The following CASD1 variants were observed in gnomAD, a reference collection of about 807,000 sequenced individuals.
CASD1 encodes CAS1 domain sialic acid O acetyltransferase 1.
In CASD1, 41 loss-of-function variants were observed where a neutral mutation model predicts 100.0. The observed-to-expected ratio is 0.41, with a 90% CI of 0.32 to 0.53. The LOEUF is 0.53. Among genes scored for constraint, CASD1 ranks in the 20% least tolerant of loss-of-function variants. The probability of loss-of-function intolerance (pLI) is 0.25; values close to 1 mark genes in which losing one functional copy is unlikely to be tolerated. For synonymous variants in CASD1, 321 were observed against 315.6 expected (o/e 1.02, Z -0.18); for missense variants, 774 against 948.7 (o/e 0.82, Z 2.42).
chr7:94,607,138 G>A, the CASD1 span, among the ~76,000 whole-genome samples: 1 of 151,978 alleles, frequency 6.6e-6, no homozygotes, highest in Non-Finnish European at 1.5e-5. Flanking sequence ...TATGTAGTAA[G>A]GAAATTGAAT....
the CASD1 span, chr7:94,621,742 A>G: frequency 6.6e-6 from 1 of 152,198 alleles, no homozygotes; most frequent in African/African-American, 2.4e-5. Flanking sequence ...TATTCTGCTC[A>G]TTAAGTGTAT....
At chr7:94,522,083 CA>C (rs1394837794) in intron 3 of CASD1, among the ~76,000 whole-genome samples, 1 of 151,740 alleles carries the variant, frequency 6.6e-6, no homozygotes, top group East Asian at 1.9e-4. Flanking sequence ...GACTCCATTT[CA>C]AAAAAGAAAA....
the CASD1 span, among the ~76,000 whole-genome samples, chr7:94,566,849 T>C: frequency 0.17 from 26,565 of 152,092 alleles, 2,377 homozygotes; most frequent in East Asian, 0.3. Context: ...GCAAATTCAG[T>C]TTCTTCCTGA....
the CASD1 span, among the ~76,000 whole-genome samples, chr7:94,616,089 G>T: frequency 2.6e-5 from 4 of 152,174 alleles, no homozygotes; most frequent in African/African-American, 9.6e-5. Flanking sequence ...AAAGCTGTCA[G>T]TGAGTTCTGC....
At chr7:94,591,877 T>C in the CASD1 span, among the ~76,000 whole-genome samples, 4 of 152,302 alleles carry the variant, frequency 2.6e-5, no homozygotes, top group Admixed American at 6.5e-5. Flanking sequence ...GTGTGTCTTA[T>C]ATTGATTTAG....
Position 94,537,501 on chromosome 7 carries a change from C to T in CASD1, c.873C>T (p.Cys291=), listed in dbSNP as rs1214519408. 3 of 1,610,624 alleles carry T rather than the reference C, an allele frequency of 1.9e-6. No individual in the cohort carries two copies. The highest frequency in any genetic ancestry group is 2.7e-5 in the African/African-American group (2 of 74,522). ...CAATGATTCTTATGAATGTGTATTG[C>T]AATAAGATTTTGAAGCCTGTAGATG... is the stretch of plus-strand genomic sequence containing the variant. ...TTAMILMNVY[C]NKILKPVDGS... is the part of the protein sequence containing the mutation. The change falls in exon 9 of 18, where the codon TGC becomes TGT. Residue 291 remains cysteine (C), a synonymous_variant. Coordinates refer to ENST00000297273, the MANE Select transcript of CASD1 (RefSeq NM_022900.5).
chr7:94,553,810 AT>A (rs1475919905), intron 16 of CASD1: 1 of 151,530 alleles, frequency 6.6e-6, no homozygotes, highest in African/African-American at 2.4e-5. Flanking sequence ...AAATAAATAA[AT>A]AAATAAAAAG....
chr7:94,513,108 G>A (rs1050082446), intron 1 of CASD1, among the ~76,000 whole-genome samples: 1 of 152,064 alleles, frequency 6.6e-6, no homozygotes, highest in Non-Finnish European at 1.5e-5. Context: ...AGGCTGAGGC[G>A]GGTGGATCAC....
intron 16 of CASD1, among the ~76,000 whole-genome samples, chr7:94,553,328 C>T (rs1443547160): frequency 6.6e-6 from 1 of 152,100 alleles, no homozygotes; most frequent in Non-Finnish European, 1.5e-5. Flanking sequence ...AAGTGCCTTG[C>T]CACAAGTCCC....
the CASD1 span, among the ~76,000 whole-genome samples, chr7:94,630,081 A>G: frequency 1.5e-3 from 234 of 152,086 alleles, 1 homozygote; most frequent in African/African-American, 5.4e-3. Context: ...TACATAGACA[A>G]AATTATGCAC....
At chr7:94,549,775 A>G in intron 14 of CASD1, 141 bp downstream of exon 14, 1 of 555,254 alleles carries the variant, frequency 1.8e-6, no homozygotes, top group Non-Finnish European at 3.2e-6. Flanking sequence ...GCAGTCCACT[A>G]CCCCCTGCAC....
chr7:94,604,413 T>TACACACAC, the CASD1 span, among the ~76,000 whole-genome samples: 10 of 148,474 alleles, frequency 6.7e-5, no homozygotes, highest in African/African-American at 1.7e-4. Context: ...AGAATAGCCA[T>TACACACAC]ACACACACAC....
chr7:94,628,027 C>T, the CASD1 span: 1 of 552,302 alleles, frequency 1.8e-6, no homozygotes. Context: ...ACTTTATAAA[C>T]AGAGAAGAAT....
chr7:94,602,597 CAAAG>C, the CASD1 span, among the ~76,000 whole-genome samples: 6 of 149,672 alleles, frequency 4.0e-5, no homozygotes, highest in South Asian at 2.1e-4. Context: ...AAAAAAAAAA[CAAAG>C]AATTGAAACA....
At chr7:94,602,539 A>T in the CASD1 span, among the ~76,000 whole-genome samples, 1 of 152,130 alleles carries the variant, frequency 6.6e-6, no homozygotes, top group African/African-American at 2.4e-5. Context: ...TATATCTAAA[A>T]GATCACTAAA....
At chr7:94,631,580 A>C in the CASD1 span, among the ~76,000 whole-genome samples, 3 of 151,964 alleles carry the variant, frequency 2.0e-5, no homozygotes, top group Non-Finnish European at 4.4e-5. Flanking sequence ...GGATTCTGAA[A>C]CTCAGAGATG....
intron 3 of CASD1, among the ~76,000 whole-genome samples, chr7:94,520,385 T>G (rs1325233034): frequency 1.3e-5 from 2 of 152,240 alleles, no homozygotes; most frequent in Admixed American, 1.3e-4. Context: ...TTCTTTTGTG[T>G]ATTGAGTCAA....
the CASD1 span, chr7:94,587,244 A>G: frequency 2.0e-6 from 2 of 985,740 alleles, no homozygotes; most frequent in Non-Finnish European, 2.4e-6. Context: ...AGTACTTGCT[A>G]AAAAATCTAT....
At chr7:94,530,205 T>C (rs1222097382) in intron 5 of CASD1, among the ~76,000 whole-genome samples, 5 of 152,136 alleles carry the variant, frequency 3.3e-5, no homozygotes, top group Non-Finnish European at 2.9e-5. Context: ...TCAGATAAAG[T>C]GGTCTTGAAG....
Sources: gnomAD v4.1 joint callset for allele counts (sites outside exome capture counted in the v4.1 genomes callset) on GRCh38, gnomAD v4.1.1 for gene constraint, MANE v1.5 for transcripts, NCBI Gene and HGNC (gene_info 2026-07-23, HGNC 2026-07-21) for gene names.